The following TTC6 variants were observed in gnomAD, a reference collection of about 807,000 sequenced individuals.
TTC6 encodes the protein tetratricopeptide repeat protein 6.
A neutral mutation model predicts 210.4 loss-of-function variants in TTC6; 172 were observed. That is an observed-to-expected ratio of 0.82 (90% CI 0.72 to 0.93). The LOEUF is 0.93. Ranked by LOEUF, TTC6 falls within the 40% of genes least tolerant of loss-of-function variation. The pLI is 0.00. For missense variants in TTC6, 2,414 were observed against 2,318.1 expected, an observed-to-expected ratio of 1.04 and a Z score of -0.85; for synonymous variants, 804 against 819.6, an observed-to-expected ratio of 0.98 and a Z score of 0.32.
rs138510126 is a variant in TTC6 at position 37,602,156 on chromosome 14, C to T, written c.-234-4507C>T. Among the ~76,000 whole-genome samples the T allele has an allele frequency of 4.9e-3, 752 of 152,318 alleles. 3 individuals are homozygous for T. Among genetic ancestry groups the T allele is most frequent in the African/African-American group, 0.017 (701 of 41,564 alleles). ...CGCGCCCGCAGGGCAGGTTTGCGCA[C>T]CGAGTGTCACAGAAGTGATCTTCCT... is the stretch of plus-strand genomic sequence containing the variant. On this transcript the variant is annotated intron_variant, in intron 1 of 2. Coordinates refer to the TTC6 transcript ENST00000556845.
At chr14:37,806,490 C>T in exon 22 of TTC6, 1 of 1,533,774 alleles carries the variant, frequency 6.5e-7, no homozygotes, top group Non-Finnish European at 8.7e-7. Context: ...TGCAATTACC[C>T]TCAATCCAAA....
chr14:37,815,253 C>T (rs772109672), intron 25 of TTC6, among the ~76,000 whole-genome samples: 3 of 152,174 alleles, frequency 2.0e-5, no homozygotes, highest in Non-Finnish European at 2.9e-5. Flanking sequence ...AACAAACAAA[C>T]GAGTAATCAT....
chr14:37,756,317 C>T (rs1327471699), intron 14 of TTC6, among the ~76,000 whole-genome samples: 3 of 152,148 alleles, frequency 2.0e-5, no homozygotes, highest in African/African-American at 7.2e-5. Context: ...GACTTCTTCT[C>T]TTCCTATATG....
At chr14:37,719,367 T>C (rs1201437592) in intron 6 of TTC6, among the ~76,000 whole-genome samples, 1 of 152,076 alleles carries the variant, frequency 6.6e-6, no homozygotes, top group Non-Finnish European at 1.5e-5. Context: ...TTCTAAAGTT[T>C]GTATGGAAAT....
chr14:37,776,200 G>A (rs1349349736), intron 14 of TTC6, among the ~76,000 whole-genome samples: 1 of 20,932 alleles, frequency 4.8e-5, no homozygotes, highest in Non-Finnish European at 1.3e-4. Context: ...ACAGGCGCCC[G>A]CCACCGCGCC....
At chr14:37,821,123 A>C (rs762058151) in intron 26 of TTC6, among the ~76,000 whole-genome samples, 9 of 150,312 alleles carry the variant, frequency 6.0e-5, no homozygotes, top group Non-Finnish European at 1.0e-4. Flanking sequence ...GCTGGAGTAC[A>C]ATGGCATGAT....
intron 14 of TTC6, among the ~76,000 whole-genome samples, chr14:37,756,958 G>A (rs117788228): frequency 0.02 from 2,979 of 152,192 alleles, 52 homozygotes; most frequent in Non-Finnish European, 0.021. Context: ...GGTAGAATTC[G>A]TCTGTGAATC....
chr14:37,654,552 G>A (rs2095718540), intron 1 of TTC6, among the ~76,000 whole-genome samples: 2 of 151,978 alleles, frequency 1.3e-5, no homozygotes, highest in Admixed American at 6.6e-5. Flanking sequence ...CTGCAGAACC[G>A]TGAGCCAATT....
At chr14:37,834,541 TG>T (rs1766238735) in intron 29 of TTC6, among the ~76,000 whole-genome samples, 1 of 152,184 alleles carries the variant, frequency 6.6e-6, no homozygotes, top group Admixed American at 6.5e-5. Context: ...TAATTTCTTA[TG>T]ATATCTATCT....
At chr14:37,796,433 A>G (rs942349164) in intron 19 of TTC6, 63 bp downstream of exon 21, 11 of 691,962 alleles carry the variant, frequency 1.6e-5, no homozygotes, top group African/African-American at 7.6e-5. Flanking sequence ...CTATTTTGCA[A>G]TAGTTATGTA....
chr14:37,612,648 G>A (rs1346984909), intron 2 of TTC6, among the ~76,000 whole-genome samples: 2 of 152,174 alleles, frequency 1.3e-5, no homozygotes, highest in African/African-American at 2.4e-5. Flanking sequence ...CATTTATGTA[G>A]ATCTTTAATT....
At chr14:37,828,945 C>G (rs1460724741) in intron 29 of TTC6, among the ~76,000 whole-genome samples, 1 of 151,908 alleles carries the variant, frequency 6.6e-6, no homozygotes, top group Non-Finnish European at 1.5e-5. Context: ...GTGAAAATTG[C>G]TGCTACATTA....
chr14:37,753,265 A>G (rs1239287850), intron 14 of TTC6, 30 bp downstream of exon 16: 2 of 1,471,134 alleles, frequency 1.4e-6, no homozygotes, highest in African/African-American at 2.8e-5. Context: ...TCGTTTTAAA[A>G]TTATTACTAT....
chr14:37,721,377 C>T (rs2095861531), intron 6 of TTC6, among the ~76,000 whole-genome samples: 1 of 152,070 alleles, frequency 6.6e-6, no homozygotes, highest in African/African-American at 2.4e-5. Context: ...ATCAAAATAG[C>T]TTATTTTTAA....
At chr14:37,650,145 T>C (rs1387174337) in intron 1 of TTC6, among the ~76,000 whole-genome samples, 2 of 152,170 alleles carry the variant, frequency 1.3e-5, no homozygotes, top group Non-Finnish European at 2.9e-5. Flanking sequence ...GCATTTCCAT[T>C]ACCTGGCACA....
chr14:37,736,725 A>G (rs960683289), intron 8 of TTC6, among the ~76,000 whole-genome samples: 6 of 152,104 alleles, frequency 3.9e-5, no homozygotes, highest in African/African-American at 7.2e-5. Context: ...CAATTAGGAC[A>G]TGGTTTTATT....
intron 28 of TTC6, 63 bp from the exon 31 acceptor site, chr14:37,827,133 A>G: frequency 7.5e-7 from 1 of 1,340,936 alleles, no homozygotes; most frequent in Non-Finnish European, 1.0e-6. Context: ...TCATTTTGGC[A>G]GACATGACAT....
chr14:37,788,465 T>A (rs1435952408), intron 15 of TTC6, among the ~76,000 whole-genome samples: 1 of 152,148 alleles, frequency 6.6e-6, no homozygotes, highest in Non-Finnish European at 1.5e-5. Flanking sequence ...TTGTCTTAAG[T>A]CCATTTGCCT....
chr14:37,630,175 G>C (rs539969332), intron 1 of TTC6, among the ~76,000 whole-genome samples: 4 of 152,162 alleles, frequency 2.6e-5, no homozygotes, highest in African/African-American at 7.2e-5. Context: ...TCATGTTAGG[G>C]TATAGATTTT....
Sources: allele counts gnomAD v4.1 joint callset (sites outside exome capture counted in the v4.1 genomes callset), GRCh38; gene constraint gnomAD v4.1.1; transcripts MANE v1.5; gene names NCBI Gene and HGNC (gene_info 2026-07-23, HGNC 2026-07-21).